Variants in CCDC136 observed in about 807,000 individuals in gnomAD.
CCDC136 encodes the protein coiled-coil domain-containing protein 136.
Under a neutral mutation model 141.2 loss-of-function variants are expected in CCDC136, and 100 were observed. The ratio of observed to expected loss-of-function variants is 0.71; its 90% confidence interval spans 0.60 to 0.84. The LOEUF (loss-of-function observed/expected upper bound fraction) is 0.84, where lower values mean the gene tolerates loss of function less well. Ranked by LOEUF, CCDC136 falls within the 40% of genes least tolerant of loss-of-function variation. The pLI is 0.00. For missense variants in CCDC136, 1,206 were observed against 1,379.4 expected (o/e 0.87, Z 1.99); for synonymous variants, 474 against 531.9 (o/e 0.89, Z 1.50).
chr7:128,791,586 C>A (rs529438292), upstream of CCDC136: 27 of 1,211,784 alleles, frequency 2.2e-5, no homozygotes, highest in South Asian at 6.4e-4. This position sits in a 1 kb window ranked among gnomAD's most constrained non-coding sequence, Gnocchi z 7.1. Context: ...GTCTACCGCC[C>A]CTCCTTTCTC....
chr7:128,795,300 A>G (rs1041948776), intron 3 of CCDC136, among the ~76,000 whole-genome samples: 1 of 152,004 alleles, frequency 6.6e-6, no homozygotes, highest in African/African-American at 2.4e-5. Flanking sequence ...CCTTTTTGCC[A>G]ACACCCACGT....
At chr7:128,797,810 G>C (rs1436312612) in intron 3 of CCDC136, among the ~76,000 whole-genome samples, 1 of 152,114 alleles carries the variant, frequency 6.6e-6, no homozygotes, top group Non-Finnish European at 1.5e-5. Context: ...AAAAGATCCA[G>C]TACAAAAAAA....
chr7:128,807,453 C>T lies in CCDC136; in HGVS notation c.1513C>T (p.Leu505=). 6.4e-7 allele frequency: 1 copy of T among 1,565,768 alleles called. No homozygotes were observed. Among genetic ancestry groups the T allele is most frequent in the Non-Finnish European group, 8.6e-7 (1 of 1,156,248 alleles). Residue 505 remains leucine, a synonymous_variant, in exon 10 of 18, where the codon CTG becomes TTG. Coordinates refer to ENST00000297788, the MANE Select transcript of CCDC136 (RefSeq NM_022742.5). ...GCGGCAGAAGCACATGTATGACCAG[C>T]TGGAGCAGGACCTCCTGCTCTGCCA... ...LERQKHMYDQ[L]EQDLLLCQLE... is the part of the protein sequence containing the mutation.
intron 12 of CCDC136, 23 bp from the exon 13 acceptor site, chr7:128,811,777 T>C (rs373279694): frequency 4.4e-5 from 68 of 1,541,776 alleles, no homozygotes; most frequent in Non-Finnish European, 5.9e-5. Context: ...GTAATGATAC[T>C]GTCTCCCCAC....
Position 128,805,642 on chromosome 7 carries a change from G to C in CCDC136, c.948+118G>C, listed in dbSNP as rs181303684. 1 of 1,529,232 alleles carries C rather than the reference G, an allele frequency of 6.5e-7. No homozygotes were observed. Among genetic ancestry groups the C allele is most frequent in the Non-Finnish European group, 8.9e-7 (1 of 1,120,010 alleles). 94.7% of individuals were successfully genotyped at this position (1,529,232 alleles called of 1,614,324 possible). A position where few individuals can be genotyped will look rare whatever the true frequency, so the allele number is the denominator to read the frequency against. Reference sequence around the variant, plus strand: ...CTGTGGAGGGAGATAGTACTCTGGGGTCTCACTTGCCTGATGTAAATCTTC... The same window carrying C: ...CTGTGGAGGGAGATAGTACTCTGGGCTCTCACTTGCCTGATGTAAATCTTC... On this transcript the variant is annotated intron_variant, in intron 6 of 17. Transcript: ENST00000297788. The surrounding 1 kb of genome is among the most constrained non-coding windows in gnomAD (Gnocchi z 4.6).
At position 128,796,739 on chromosome 7, in the gene CCDC136, A is replaced by ATATATATATTTTT; in HGVS notation, c.346+1972_346+1973insATATATATTTTTT. On this transcript the variant is annotated intron_variant, in intron 3 of 17. Transcript: ENST00000297788. ...TGATTCAGAATATATATATATATAT[A>ATATATATATTTTT]TTCTTTTTTTTTTTTTTTTTGAGAC... 7.9e-5 allele frequency among the ~76,000 whole-genome samples: 9 copies of ATATATATATTTTT among 113,384 alleles called. No individual in the cohort carries two copies. The East Asian group carries it at 1.1e-3, about 13-fold the overall frequency. The allele number at this position is 113,384 out of a possible 152,430, so 74.4% of individuals were successfully genotyped here. A position where few individuals can be genotyped will look rare whatever the true frequency, so the allele number is the denominator to read the frequency against.
Position 128,806,783 on chromosome 7 carries a change from G to A in CCDC136, c.1344G>A (p.Glu448=), listed in dbSNP as rs1310702954. 1 of 1,612,154 alleles carries A rather than the reference G, an allele frequency of 6.2e-7. No homozygotes were observed. Among genetic ancestry groups the A allele is most frequent in the Non-Finnish European group, 8.5e-7 (1 of 1,179,294 alleles). Residue 448 remains glutamate, a synonymous_variant, in exon 9 of 18, where the codon GAG becomes GAA. Coordinates refer to ENST00000297788, the MANE Select transcript of CCDC136 (RefSeq NM_022742.5). ...KLLERQQQLQ[E]ELQCHEAELQ... Reference sequence around the variant, plus strand: ...TGGAACGGCAGCAGCAGCTGCAGGAGGAGCTGCAGTGCCATGAGGCAGAGC... The same window carrying A: ...TGGAACGGCAGCAGCAGCTGCAGGAAGAGCTGCAGTGCCATGAGGCAGAGC...
At chr7:128,796,637 G>A (rs1802987195) in intron 3 of CCDC136, among the ~76,000 whole-genome samples, 1 of 151,408 alleles carries the variant, frequency 6.6e-6, no homozygotes, top group Admixed American at 6.6e-5. Flanking sequence ...TCAGAACAGT[G>A]AGTCCTGTCA....
chr7:128,814,791 T>A lies in CCDC136; in HGVS notation c.2917T>A (p.Ser973Thr). Residue 973 changes from serine (S) to threonine (T), a missense_variant, in exon 15 of 18, where the codon TCT (serine) becomes ACT (threonine). By Grantham distance (58) the Ser-to-Thr change is moderately conservative (BLOSUM62 1). Coordinates refer to ENST00000297788, the MANE Select transcript of CCDC136 (RefSeq NM_022742.5). ...ELRQLREKRP[S>T]VVKEARGKNA... ...CCGCCAGCTCAGGGAGAAGAGGCCT[T>A]CTGTTGTCAAAGAAGCCCGGGGGAA... is the stretch of plus-strand genomic sequence containing the variant. 1 of 1,612,974 alleles carries A rather than the reference T, an allele frequency of 6.2e-7. No homozygotes were observed. The highest frequency in any genetic ancestry group is 8.5e-7 in the Non-Finnish European group (1 of 1,179,400).
intron 14 of CCDC136, among the ~76,000 whole-genome samples, 182 bp downstream of exon 14, chr7:128,813,111 C>T (rs979560799): frequency 6.6e-6 from 1 of 152,224 alleles, no homozygotes; most frequent in African/African-American, 2.4e-5. Flanking sequence ...GTTTACTAGT[C>T]ATCAGGACTT....
At position 128,812,930 on chromosome 7, in the gene CCDC136, G is replaced by A. The variant is rs757857347; in HGVS notation, c.2763+1G>A. 9.4e-6 allele frequency: 15 copies of A among 1,597,780 alleles called. No individual in the cohort carries two copies. The East Asian group carries it at 2.7e-4, about 29-fold the overall frequency. On this transcript the variant is annotated splice_donor_variant, in intron 14 of 17. Transcript: ENST00000297788. LOFTEE classifies it high-confidence loss of function. ...GGCCCCCCAGAACGACAAGAATGAG[G>A]TAACCACTGTCAGGGAGGCAGGGTT...
upstream of CCDC136, chr7:128,791,358 G>A: frequency 2.0e-6 from 1 of 492,460 alleles, no homozygotes; most frequent in Non-Finnish European, 3.1e-6. This position sits in a 1 kb window ranked among gnomAD's most constrained non-coding sequence, Gnocchi z 7.1. Flanking sequence ...GAGCGGCGGG[G>A]GGCGGTGTCA....
Position 128,820,346 on chromosome 7 carries a change from G to A in CCDC136, c.*6-1453G>A, listed in dbSNP as rs549488483. Among the ~76,000 whole-genome samples the A allele has an allele frequency of 5.3e-5, 8 of 152,288 alleles. No homozygotes were observed. The East Asian group carries it at 1.3e-3, about 26-fold the overall frequency. ...ACTCAACGTCCAAAAACATGATTCC[G>A]GTGATTTGTCACTTAGGTCACCTAG... On this transcript the variant is annotated intron_variant, in intron 17 of 17. Transcript: ENST00000297788.
Position 128,805,431 on chromosome 7 carries a change from A to G in CCDC136, c.855A>G (p.Ser285=). 6.2e-7 allele frequency: 1 copy of G among 1,614,050 alleles called. No homozygotes were observed. Among genetic ancestry groups the G allele is most frequent in the South Asian group, 1.1e-5 (1 of 91,090 alleles). ...TGACGTCAGCAGAGTCTCAGACTTC[A>G]GAAATGGATTTCTTAGAGCCTGATC... ...LSMTSAESQT[S]EMDFLEPDPE... is the part of the protein sequence containing the mutation. Residue 285 remains serine (S), a synonymous_variant, in exon 6 of 18, where the codon TCA becomes TCG. Coordinates refer to ENST00000297788, the MANE Select transcript of CCDC136 (RefSeq NM_022742.5). This position sits in a 1 kb window ranked among gnomAD's most constrained non-coding sequence, Gnocchi z 4.6.
At position 128,794,214 on chromosome 7, in the gene CCDC136, C is replaced by G; in HGVS notation, c.17-134C>G. ...ACTCATCTTGAGTACAGGTCTTGCC[C>G]CGGGGCTCCTTGGGGGACACCAGGT... On this transcript the variant is annotated intron_variant, in intron 1 of 17. Coordinates refer to ENST00000297788, the MANE Select transcript of CCDC136 (RefSeq NM_022742.5). This position sits in a 1 kb window ranked among gnomAD's most constrained non-coding sequence, Gnocchi z 4.3. 1.3e-5 allele frequency: 16 copies of G among 1,262,206 alleles called. No homozygotes were observed. The highest frequency in any genetic ancestry group is 6.4e-5 in the South Asian group (5 of 77,662). The allele number at this position is 1,262,206 out of a possible 1,614,324, so 78.2% of individuals were successfully genotyped here.
chr7:128,800,245 A>G (rs1259908441), intron 3 of CCDC136, among the ~76,000 whole-genome samples: 1 of 152,138 alleles, frequency 6.6e-6, no homozygotes, highest in African/African-American at 2.4e-5. Flanking sequence ...TTTCTTTTAA[A>G]TGGCTGCATG....
chr7:128,808,367 C>G, intron 10 of CCDC136: 1 of 553,102 alleles, frequency 1.8e-6, no homozygotes, highest in African/African-American at 2.0e-5. Flanking sequence ...TTGAATTGTG[C>G]CCTCTTTAAA....
intron 10 of CCDC136, chr7:128,808,399 A>T: frequency 1.3e-6 from 1 of 789,210 alleles, no homozygotes; most frequent in Non-Finnish European, 1.5e-6. Context: ...ACTACTCTTA[A>T]CTCACTTCCT....
intron 17 of CCDC136, among the ~76,000 whole-genome samples, chr7:128,819,387 C>T (rs529606651): frequency 8.2e-4 from 125 of 152,314 alleles, no homozygotes; most frequent in African/African-American, 2.8e-3. Context: ...TACTGACAGG[C>T]GTTGTCCCAG....
Sources: allele counts gnomAD v4.1 joint callset (sites outside exome capture counted in the v4.1 genomes callset), GRCh38; gene constraint gnomAD v4.1.1; non-coding constraint Gnocchi (gnomAD v3.1); transcripts MANE v1.5; gene names NCBI Gene and HGNC (gene_info 2026-07-23, HGNC 2026-07-21).